The following EYS variants were observed in gnomAD, a reference collection of about 807,000 sequenced individuals.
EYS encodes protein eyes shut homolog.
In EYS, 250 loss-of-function variants were observed where a neutral mutation model predicts 282.1. That is an observed-to-expected ratio of 0.89 (90% CI 0.80 to 0.98). The LOEUF (loss-of-function observed/expected upper bound fraction) is 0.98, where lower values mean the gene tolerates loss of function less well. Among genes scored for constraint, EYS ranks in the 50% least tolerant of loss-of-function variants. The probability of loss-of-function intolerance (pLI) is 0.00; values close to 1 mark genes in which losing one functional copy is unlikely to be tolerated. For synonymous variants in EYS, 1,355 were observed against 1,282.9 expected, an observed-to-expected ratio of 1.06 and a Z score of -1.20; for missense variants, 4,016 against 3,709.0, an observed-to-expected ratio of 1.08 and a Z score of -2.15.
intron 28 of EYS, among the ~76,000 whole-genome samples, chr6:64,389,920 C>T (rs147507932): frequency 0.026 from 3,877 of 151,730 alleles, 75 homozygotes; most frequent in Non-Finnish European, 0.038. Flanking sequence ...GTGTGCACAC[C>T]GTGCGCCAGC....
intron 33 of EYS, among the ~76,000 whole-genome samples, chr6:64,000,117 G>A (rs1582107080): frequency 1.5e-5 from 2 of 130,702 alleles, no homozygotes; most frequent in Non-Finnish European, 3.2e-5. Context: ...TTTTTATTTC[G>A]ATCAGACCTT....
At chr6:63,935,302 C>T (rs567860490) in intron 35 of EYS, among the ~76,000 whole-genome samples, 14 of 152,302 alleles carry the variant, frequency 9.2e-5, no homozygotes, top group African/African-American at 1.4e-4. Context: ...AAATGAATGA[C>T]GAGTTATTGT....
intron 12 of EYS, among the ~76,000 whole-genome samples, chr6:65,226,417 G>T (rs2150263944): frequency 6.6e-6 from 1 of 152,138 alleles, no homozygotes; most frequent in Non-Finnish European, 1.5e-5. Flanking sequence ...TGCTCATAAT[G>T]GACTCATTAA....
chr6:63,780,881 G>T (rs1225296722), intron 39 of EYS, among the ~76,000 whole-genome samples: 1 of 152,126 alleles, frequency 6.6e-6, no homozygotes, highest in South Asian at 2.1e-4. Flanking sequence ...TATGGTTTTA[G>T]GTCTAACATT....
At chr6:64,916,244 G>A (rs1283274027) in intron 15 of EYS, among the ~76,000 whole-genome samples, 1 of 152,238 alleles carries the variant, frequency 6.6e-6, no homozygotes, top group African/African-American at 2.4e-5. Flanking sequence ...TAATTTAAAA[G>A]AGTTTCCTAA....
chr6:63,988,428 C>A (rs1404727897), intron 34 of EYS, among the ~76,000 whole-genome samples: 1 of 151,574 alleles, frequency 6.6e-6, no homozygotes, highest in Non-Finnish European at 1.5e-5. Flanking sequence ...CATTAAAAAA[C>A]ACCCAAACAA....
chr6:65,043,534 C>A (rs762127110), intron 13 of EYS, among the ~76,000 whole-genome samples: 10 of 151,358 alleles, frequency 6.6e-5, no homozygotes, highest in Non-Finnish European at 1.3e-4. Context: ...ATCAACAATT[C>A]CTAATTCCCT....
intron 30 of EYS, among the ~76,000 whole-genome samples, chr6:64,238,746 A>T (rs913062363): frequency 6.6e-6 from 1 of 151,922 alleles, no homozygotes; most frequent in Non-Finnish European, 1.5e-5. Context: ...CAATTCTTGT[A>T]TTCCTTTTAT....
rs201486840 is a variant in EYS at position 65,417,258 on chromosome 6, C to CA, written c.863-11892dup. Among the ~76,000 whole-genome samples, 207 of 151,642 alleles carry CA rather than the reference C, an allele frequency of 1.4e-3. No individual in the cohort carries two copies. The Middle Eastern group carries it at 0.014, about 10-fold the overall frequency. ...ATACCAATAACAAAATATAATTTAT[C>CA]AAAAAAAATCAGAGAATTAACCTCC... On this transcript the variant is annotated intron_variant, in intron 5 of 42. Coordinates refer to ENST00000503581, the MANE Select transcript of EYS (RefSeq NM_001142800.2).
intron 1 of EYS, among the ~76,000 whole-genome samples, chr6:65,653,554 G>A (rs778675821): frequency 2.0e-5 from 3 of 151,724 alleles, no homozygotes; most frequent in Admixed American, 6.6e-5. Context: ...TATCATTGCC[G>A]TATTCACAAC....
intron 15 of EYS, among the ~76,000 whole-genome samples, chr6:64,935,753 C>A (rs1431076114): frequency 1.3e-5 from 2 of 151,456 alleles, no homozygotes; most frequent in South Asian, 2.1e-4. Context: ...CGGAAAGTAA[C>A]CCAAAAAAAG....
chr6:64,933,302 C>T (rs779469169), intron 15 of EYS, among the ~76,000 whole-genome samples: 3 of 151,778 alleles, frequency 2.0e-5, no homozygotes, highest in Non-Finnish European at 4.4e-5. Flanking sequence ...AGAAAAACAA[C>T]GTCATCAAAA....
intron 37 of EYS, among the ~76,000 whole-genome samples, chr6:63,800,524 G>A (rs1434987217): frequency 6.6e-6 from 1 of 152,336 alleles, no homozygotes; most frequent in East Asian, 1.9e-4. Context: ...AAGAGGCTGG[G>A]CGCGGAGTGG....
chr6:65,282,885 G>T (rs1768262927), intron 12 of EYS, among the ~76,000 whole-genome samples: 1 of 151,870 alleles, frequency 6.6e-6, no homozygotes, highest in African/African-American at 2.4e-5. Flanking sequence ...GGCTCAGTCT[G>T]CAGAGTTTCT....
At chr6:64,343,062 C>A (rs1030286932) in intron 29 of EYS, among the ~76,000 whole-genome samples, 7 of 152,102 alleles carry the variant, frequency 4.6e-5, no homozygotes, top group African/African-American at 1.2e-4. Context: ...AAAGCAAGTA[C>A]TTAGTTACCT....
At chr6:64,406,896 C>T (rs920877661) in intron 28 of EYS, among the ~76,000 whole-genome samples, 6 of 152,120 alleles carry the variant, frequency 3.9e-5, no homozygotes, top group South Asian at 2.1e-4. Context: ...GACAGTGTGG[C>T]GATTCCTTAA....
chr6:64,780,716 C>T (rs917203803), intron 22 of EYS, among the ~76,000 whole-genome samples: 3 of 152,074 alleles, frequency 2.0e-5, no homozygotes, highest in Non-Finnish European at 4.4e-5. Flanking sequence ...ATTAATTCAT[C>T]TGGGATAGCT....
At chr6:65,700,559 T>C (rs886880796) in intron 1 of EYS, among the ~76,000 whole-genome samples, 1 of 152,222 alleles carries the variant, frequency 6.6e-6, no homozygotes, top group Non-Finnish European at 1.5e-5. Context: ...ATCCTACTTC[T>C]TTAATATTTT....
chr6:64,054,642 A>T (rs1770922346), intron 33 of EYS, among the ~76,000 whole-genome samples: 1 of 152,176 alleles, frequency 6.6e-6, no homozygotes, highest in South Asian at 2.1e-4. Context: ...ATGGTTAAAT[A>T]TAAGGGCTCT....
Sources: allele counts gnomAD v4.1 joint callset (sites outside exome capture counted in the v4.1 genomes callset), GRCh38; gene constraint gnomAD v4.1.1; transcripts MANE v1.5; gene names NCBI Gene and HGNC (gene_info 2026-07-23, HGNC 2026-07-21).